Variants in ADAMTS20 observed in about 807,000 individuals in gnomAD.
ADAMTS20 encodes the protein A disintegrin and metalloproteinase with thrombospondin motifs 20.
Under a neutral mutation model 260.1 loss-of-function variants are expected in ADAMTS20, and 225 were observed. The observed-to-expected ratio is 0.87, with a 90% CI of 0.78 to 0.97. The LOEUF (loss-of-function observed/expected upper bound fraction) is 0.97, where lower values mean the gene tolerates loss of function less well. ADAMTS20 is among the 50% of genes least tolerant of loss of function. The pLI is 0.00. For synonymous variants in ADAMTS20, 802 were observed against 769.5 expected (o/e 1.04, Z -0.70); for missense variants, 2,400 against 2,337.7 (o/e 1.03, Z -0.55).
At chr12:43,391,340 T>C (rs1319602031) in intron 29 of ADAMTS20, among the ~76,000 whole-genome samples, 1 of 152,186 alleles carries the variant, frequency 6.6e-6, no homozygotes, top group Non-Finnish European at 1.5e-5. Context: ...GGTTGGCAAA[T>C]ATTCAGATCA....
chr12:43,531,312 A>AT (rs568199356), intron 3 of ADAMTS20, among the ~76,000 whole-genome samples: 10 of 151,522 alleles, frequency 6.6e-5, no homozygotes, highest in East Asian at 3.9e-4. Context: ...AGGTTCAGGA[A>AT]TTTTTTTTTC....
intron 14 of ADAMTS20, among the ~76,000 whole-genome samples, chr12:43,449,269 T>C (rs1199399111): frequency 6.6e-6 from 1 of 151,914 alleles, no homozygotes; most frequent in Non-Finnish European, 1.5e-5. Flanking sequence ...ATAAAGAAAA[T>C]GTGATACATA....
At position 43,408,460 on chromosome 12, in the gene ADAMTS20, T is replaced by G. The variant is rs558967134; in HGVS notation, c.4285-9227A>C. On this transcript the variant is annotated intron_variant, in intron 28 of 38. Coordinates refer to ENST00000389420, the MANE Select transcript of ADAMTS20 (RefSeq NM_025003.5). ...AAATAGCAGGATTTACCATTTCAAG[T>G]TCCCACAAATGTTTTATGTGCTAGC... Among the ~76,000 whole-genome samples, 3 of 152,324 alleles carry G rather than the reference T, an allele frequency of 2.0e-5. No individual in the cohort carries two copies. The East Asian group carries it at 5.8e-4, about 29-fold the overall frequency.
chr12:43,433,253 A>G (rs1941483965), intron 19 of ADAMTS20, among the ~76,000 whole-genome samples: 1 of 152,210 alleles, frequency 6.6e-6, no homozygotes, highest in Non-Finnish European at 1.5e-5. Flanking sequence ...AAAGTACACT[A>G]CACTTTCTCA....
At chr12:43,460,359 T>C (rs1942037763) in intron 11 of ADAMTS20, among the ~76,000 whole-genome samples, 1 of 152,188 alleles carries the variant, frequency 6.6e-6, no homozygotes, top group South Asian at 2.1e-4. Flanking sequence ...ATAATAATCA[T>C]GGAAATACAA....
chr12:43,471,788 AG>A (rs1378262449), intron 7 of ADAMTS20, among the ~76,000 whole-genome samples: 3 of 139,354 alleles, frequency 2.2e-5, no homozygotes, highest in Non-Finnish European at 4.6e-5. Context: ...GTCTGTTAGA[AG>A]GAAAACTAAC....
intron 4 of ADAMTS20, among the ~76,000 whole-genome samples, chr12:43,495,898 T>C (rs1261004758): frequency 1.3e-5 from 2 of 152,228 alleles, no homozygotes; most frequent in Admixed American, 6.5e-5. Flanking sequence ...CTGACCTTTA[T>C]AATTTAAGTG....
Position 43,408,877 on chromosome 12 carries a change from C to A in ADAMTS20, c.4285-9644G>T, listed in dbSNP as rs60978427. Among the ~76,000 whole-genome samples the A allele has an allele frequency of 7.6e-3, 1,158 of 152,170 alleles. 24 individuals are homozygous for A. Among genetic ancestry groups the A allele is most frequent in the Middle Eastern group, 0.024 (7 of 294 alleles). On this transcript the variant is annotated intron_variant, in intron 28 of 38. Coordinates refer to ENST00000389420, the MANE Select transcript of ADAMTS20 (RefSeq NM_025003.5). ...AGTACATGGGATTTGGTGTCAGAGGCCTACAATTGAATCTCAGCTGTCAGA... is the reference window on the plus strand; with the variant it reads ...AGTACATGGGATTTGGTGTCAGAGGACTACAATTGAATCTCAGCTGTCAGA...
intron 7 of ADAMTS20, among the ~76,000 whole-genome samples, chr12:43,475,522 C>T (rs1470996104): frequency 8.6e-5 from 13 of 151,402 alleles, no homozygotes; most frequent in Admixed American, 7.3e-4. Context: ...AAAAAGAGCC[C>T]GCATCGCCAA....
chr12:43,541,146 G>C (rs571196621), intron 2 of ADAMTS20, among the ~76,000 whole-genome samples: 4 of 152,034 alleles, frequency 2.6e-5, no homozygotes, highest in Non-Finnish European at 5.9e-5. Context: ...CTGTCAACTG[G>C]AGAACATTCG....
chr12:43,514,011 G>A (rs1297434480), intron 3 of ADAMTS20, among the ~76,000 whole-genome samples: 1 of 143,714 alleles, frequency 7.0e-6, no homozygotes. Flanking sequence ...GTATACATAT[G>A]TAACTAACCT....
At chr12:43,536,685 C>A (rs1388808452) in intron 2 of ADAMTS20, among the ~76,000 whole-genome samples, 1 of 152,136 alleles carries the variant, frequency 6.6e-6, no homozygotes, top group Non-Finnish European at 1.5e-5. Flanking sequence ...ATGAAAAAGT[C>A]TTGGCAGGTA....
intron 37 of ADAMTS20, among the ~76,000 whole-genome samples, chr12:43,363,408 G>A (rs1034028275): frequency 2.0e-5 from 3 of 152,070 alleles, no homozygotes; most frequent in Non-Finnish European, 4.4e-5. Flanking sequence ...AAGCACACTA[G>A]GCCTGAAATG....
chr12:43,513,759 T>A (rs1198310474), intron 3 of ADAMTS20, among the ~76,000 whole-genome samples: 2 of 151,982 alleles, frequency 1.3e-5, no homozygotes, highest in East Asian at 3.9e-4. Flanking sequence ...GTGTCCTTTG[T>A]AGGAACATGA....
chr12:43,547,996 C>T (rs771886425), intron 2 of ADAMTS20, among the ~76,000 whole-genome samples: 3 of 152,132 alleles, frequency 2.0e-5, no homozygotes, highest in African/African-American at 4.8e-5. Flanking sequence ...ATACAAAGAC[C>T]TCATAACACG....
intron 26 of ADAMTS20, 85 bp from the exon 27 acceptor site, chr12:43,427,554 A>G: frequency 1.5e-6 from 2 of 1,311,212 alleles, no homozygotes; most frequent in East Asian, 5.3e-5. Context: ...ATCAGCATTG[A>G]CTCAATCAAA....
At chr12:43,485,107 A>AGC in intron 7 of ADAMTS20, among the ~76,000 whole-genome samples, 1 of 132,426 alleles carries the variant, frequency 7.6e-6, no homozygotes, top group Non-Finnish European at 1.6e-5. Context: ...AAAAAAAAAA[A>AGC]AAAAGCAACA....
Position 43,376,047 on chromosome 12 carries a change from C to T in ADAMTS20, c.5312+10G>A, listed in dbSNP as rs368087074. ...GAAAATGCTCAGATAGACCAAAACACATCTCGTACCTAAAGCCATACACTT... is the reference window on the plus strand; with the variant it reads ...GAAAATGCTCAGATAGACCAAAACATATCTCGTACCTAAAGCCATACACTT... On this transcript the variant is annotated intron_variant, in intron 35 of 38. Coordinates refer to ENST00000389420, the MANE Select transcript of ADAMTS20 (RefSeq NM_025003.5). The T allele has an allele frequency of 1.9e-6, 3 of 1,589,932 alleles. No homozygotes were observed. The highest frequency in any genetic ancestry group is 2.7e-5 in the African/African-American group (2 of 73,818).
chr12:43,551,668 G>A lies in ADAMTS20; in HGVS notation c.91+163C>T, dbSNP rs1370633367. Among the ~76,000 whole-genome samples, 1 of 152,208 alleles carries A rather than the reference G, an allele frequency of 6.6e-6. No homozygotes were observed. The highest frequency in any genetic ancestry group is 6.5e-5 in the Admixed American group (1 of 15,290). On this transcript the variant is annotated intron_variant, in intron 1 of 38. Transcript: ENST00000389420. This position sits in a 1 kb window ranked among gnomAD's most constrained non-coding sequence, Gnocchi z 4.6. ...AGGCGCGCGCGATTCCTCGAAACCC[G>A]GCGCAGTCGCGACCTCTCCGGCTGA... is the stretch of plus-strand genomic sequence containing the variant.
Sources: gnomAD v4.1 joint callset for allele counts (sites outside exome capture counted in the v4.1 genomes callset) on GRCh38, gnomAD v4.1.1 for gene constraint, Gnocchi (gnomAD v3.1) non-coding constraint, MANE v1.5 for transcripts, NCBI Gene and HGNC (gene_info 2026-07-23, HGNC 2026-07-21) for gene names.